PCNX1: variants seen among roughly 807,000 people sequenced by gnomAD.
The protein encoded by PCNX1 is pecanex-like protein 1.
In PCNX1, 78 loss-of-function variants were observed where a neutral mutation model predicts 242.2. The ratio of observed to expected loss-of-function variants is 0.32; its 90% confidence interval spans 0.27 to 0.39. The LOEUF (loss-of-function observed/expected upper bound fraction) is 0.39, where lower values mean the gene tolerates loss of function less well. Ranked by LOEUF, PCNX1 falls within the 10% of genes least tolerant of loss-of-function variation. The pLI is 1.00. For missense variants in PCNX1, 2,581 were observed against 2,856.5 expected (o/e 0.90, Z 2.20); for synonymous variants, 1,024 against 1,032.9 (o/e 0.99, Z 0.17).
At chr14:71,044,891 C>T (rs1219655053) in intron 19 of PCNX1, among the ~76,000 whole-genome samples, 1 of 152,232 alleles carries the variant, frequency 6.6e-6, no homozygotes, top group Non-Finnish European at 1.5e-5. Flanking sequence ...TAGTGTAAGA[C>T]ACCAGAGAAA....
intron 28 of PCNX1, among the ~76,000 whole-genome samples, chr14:71,084,866 C>T (rs529468402): frequency 2.0e-5 from 3 of 152,268 alleles, no homozygotes; most frequent in South Asian, 2.1e-4. Context: ...AGTTCTGTCT[C>T]GCTGGCATTC....
chr14:71,034,658 CAGTTTT>C (rs1365009978), intron 18 of PCNX1, among the ~76,000 whole-genome samples: 1 of 152,056 alleles, frequency 6.6e-6, no homozygotes, highest in Non-Finnish European at 1.5e-5. Context: ...ATCTTTTTCT[CAGTTTT>C]AGGTCATTTT....
At chr14:71,041,489 A>G (rs964947199) in intron 19 of PCNX1, among the ~76,000 whole-genome samples, 2 of 152,152 alleles carry the variant, frequency 1.3e-5, no homozygotes, top group East Asian at 1.9e-4. Flanking sequence ...ATTCACATAT[A>G]GTTACTCATA....
chr14:70,953,664 C>CTTTT (rs33967128), intron 2 of PCNX1, among the ~76,000 whole-genome samples: 24 of 114,902 alleles, frequency 2.1e-4, no homozygotes, highest in East Asian at 5.0e-4. Flanking sequence ...TTTTTTCTTT[C>CTTTT]TTTTTTTTTT....
chr14:71,061,896 G>T (rs2061334069), intron 26 of PCNX1, among the ~76,000 whole-genome samples: 1 of 152,096 alleles, frequency 6.6e-6, no homozygotes, highest in Non-Finnish European at 1.5e-5. Context: ...TGAAGAACAG[G>T]CCAGAGAAAG....
chr14:71,008,395 G>A (rs1197593223), intron 8 of PCNX1, among the ~76,000 whole-genome samples: 1 of 151,992 alleles, frequency 6.6e-6, no homozygotes, highest in Non-Finnish European at 1.5e-5. Context: ...AGTGGCTCAC[G>A]CCTGTAATCC....
At chr14:70,998,890 T>G (rs2059428507) in intron 8 of PCNX1, among the ~76,000 whole-genome samples, 1 of 152,166 alleles carries the variant, frequency 6.6e-6, no homozygotes, top group Non-Finnish European at 1.5e-5. Flanking sequence ...GTTAATATCT[T>G]TGGAAATGAT....
rs900668936 is a variant in PCNX1 at position 70,980,661 on chromosome 14, A to G, written c.2311+2013A>G. Among the ~76,000 whole-genome samples, 3 of 152,240 alleles carry G rather than the reference A, an allele frequency of 2.0e-5. No homozygotes were observed. In the South Asian group the frequency reaches 6.2e-4, roughly 32 times the overall value. On this transcript the variant is annotated intron_variant, in intron 6 of 35. Transcript: ENST00000304743. ...TTTTTGAAAGGTTGGAGGTGGTAGAAGGGGATTTGTTTTGGTTCTTATTAT... is the reference window on the plus strand; with the variant it reads ...TTTTTGAAAGGTTGGAGGTGGTAGAGGGGGATTTGTTTTGGTTCTTATTAT...
At chr14:70,947,422 C>T (rs1042678840) in intron 2 of PCNX1, among the ~76,000 whole-genome samples, 1 of 152,160 alleles carries the variant, frequency 6.6e-6, no homozygotes, top group South Asian at 2.1e-4. Context: ...GGCAGAAGAA[C>T]ATAAACTGTG....
chr14:70,970,674 G>T (rs2058514530), intron 5 of PCNX1, among the ~76,000 whole-genome samples: 1 of 152,130 alleles, frequency 6.6e-6, no homozygotes. Flanking sequence ...CAAGTTTGGG[G>T]TCAACATACT....
intron 1 of PCNX1, among the ~76,000 whole-genome samples, chr14:70,926,390 G>T (rs1385993572): frequency 6.6e-6 from 1 of 152,164 alleles, no homozygotes; most frequent in Admixed American, 6.6e-5. Flanking sequence ...TTTACAGTCT[G>T]TGTATATCCT....
At chr14:71,089,082 T>G (rs1371625249) in intron 29 of PCNX1, 110 bp from the exon 30 acceptor site, 10 of 796,924 alleles carry the variant, frequency 1.3e-5, no homozygotes, top group Non-Finnish European at 1.8e-5. Context: ...TCCTGGAATC[T>G]GTATTTTCAA....
chr14:71,019,248 A>C, intron 12 of PCNX1, 86 bp downstream of exon 12: 1 of 1,043,176 alleles, frequency 9.6e-7, no homozygotes, highest in South Asian at 1.9e-5. Flanking sequence ...AATTATAGTA[A>C]GATAATTATT....
chr14:70,987,219 C>T (rs959820906), intron 6 of PCNX1, among the ~76,000 whole-genome samples: 2 of 152,174 alleles, frequency 1.3e-5, no homozygotes, highest in Admixed American at 6.5e-5. Flanking sequence ...CCTTATCTTT[C>T]TAGATAAGCA....
At chr14:70,915,055 C>T (rs2056094957) in intron 1 of PCNX1, among the ~76,000 whole-genome samples, 2 of 152,144 alleles carry the variant, frequency 1.3e-5, no homozygotes, top group South Asian at 4.1e-4. Context: ...CACCTTCACT[C>T]AGCATAACGT....
chr14:70,979,668 G>A (rs1002917863), intron 6 of PCNX1, among the ~76,000 whole-genome samples: 1 of 151,976 alleles, frequency 6.6e-6, no homozygotes, highest in Non-Finnish European at 1.5e-5. Flanking sequence ...GATTTTGTTT[G>A]TACAAACATT....
intron 2 of PCNX1, among the ~76,000 whole-genome samples, chr14:70,959,189 G>A (rs915980450): frequency 2.0e-5 from 3 of 148,396 alleles, no homozygotes; most frequent in South Asian, 2.2e-4. Context: ...TTGGTGTGTG[G>A]TTTTTTCCCC....
rs1418431454 is a variant in PCNX1 at position 71,073,686 on chromosome 14, A to G, written c.4994A>G (p.Glu1665Gly). 1.2e-6 allele frequency: 2 copies of G among 1,614,086 alleles called. No homozygotes were observed. Among genetic ancestry groups the G allele is most frequent in the Admixed American group, 1.7e-5 (1 of 60,006 alleles). The stretch of plus-strand genomic sequence containing the variant: ...TTTAGCCAGCGATGGCTAGCTTGGG[A>G]AGTGATAGTCACAAAGTACATTCTG... Reference protein sequence around the residue: ...AAFSQRWLAWEVIVTKYILEG... With the variant: ...AAFSQRWLAWGVIVTKYILEG... The change falls in exon 27 of 36, where the codon GAA (glutamate) becomes GGA (glycine). Residue 1665 changes from glutamate (E) to glycine (G), a missense_variant. Around this residue, in one of 9 missense-constraint regions of PCNX1, gnomAD observed 298 missense variants for 480.1 expected, o/e 0.62. Coordinates refer to ENST00000304743, the MANE Select transcript of PCNX1 (RefSeq NM_014982.3).
intron 13 of PCNX1, among the ~76,000 whole-genome samples, 170 bp from the exon 14 acceptor site, chr14:71,025,947 C>T (rs1050068893): frequency 9.9e-5 from 15 of 152,160 alleles, no homozygotes; most frequent in Non-Finnish European, 1.9e-4. Context: ...AGAGTTCATT[C>T]TGTTATTCTT....
Sources: gnomAD v4.1 joint callset for allele counts (sites outside exome capture counted in the v4.1 genomes callset) on GRCh38, gnomAD v4.1.1 for gene constraint, gnomAD v4.1.1 regional missense constraint, MANE v1.5 for transcripts, NCBI Gene and HGNC (gene_info 2026-07-23, HGNC 2026-07-21) for gene names.